Variants in FRMPD4 observed in about 807,000 individuals in gnomAD.
FRMPD4 encodes the protein FERM and PDZ domain-containing protein 4.
Under a neutral mutation model 94.1 loss-of-function variants are expected in FRMPD4, and 22 were observed. The ratio of observed to expected loss-of-function variants is 0.23; its 90% confidence interval spans 0.17 to 0.33. The LOEUF (loss-of-function observed/expected upper bound fraction) is 0.33, where lower values mean the gene tolerates loss of function less well. FRMPD4 is among the 10% of genes least tolerant of loss of function. The pLI is 1.00. For missense variants in FRMPD4, 1,111 were observed against 1,339.9 expected (o/e 0.83, Z 2.67); for synonymous variants, 631 against 548.6 (o/e 1.15, Z -2.10).
intron 3 of FRMPD4, among the ~76,000 whole-genome samples, chrX:12,097,852 T>G (rs1163368466): frequency 2.7e-5 from 3 of 112,691 alleles, no homozygotes; most frequent in Non-Finnish European, 5.6e-5. Flanking sequence ...TGTCCACTTT[T>G]GGGCTATTAT....
At chrX:11,921,022 T>C (rs918989961) in intron 3 of FRMPD4, among the ~76,000 whole-genome samples, 3 of 112,156 alleles carry the variant, frequency 2.7e-5, no homozygotes, top group African/African-American at 9.7e-5. Context: ...AATGGTTTAA[T>C]TGCCCCCAAT....
At chrX:12,585,363 G>T (rs1002237084) in intron 2 of FRMPD4, among the ~76,000 whole-genome samples, 6 of 110,522 alleles carry the variant, frequency 5.4e-5, no homozygotes, top group African/African-American at 2.0e-4. Flanking sequence ...TGGGATTACA[G>T]GCCCCTGCCA....
At chrX:12,306,733 T>C (rs1384929998) in intron 1 of FRMPD4, among the ~76,000 whole-genome samples, 2 of 112,224 alleles carry the variant, frequency 1.8e-5, no homozygotes, top group Admixed American at 9.4e-5. Flanking sequence ...AGAACAGCAG[T>C]TGACCCTTTG....
intron 4 of FRMPD4, among the ~76,000 whole-genome samples, chrX:12,616,043 T>A (rs1420767112): frequency 9.0e-6 from 1 of 110,667 alleles, no homozygotes; most frequent in African/African-American, 3.3e-5. Context: ...ACCATCCTAG[T>A]TTTAGCATGT....
At chrX:12,687,665 G>A (rs2060039320) in intron 7 of FRMPD4, among the ~76,000 whole-genome samples, 1 of 112,253 alleles carries the variant, frequency 8.9e-6, no homozygotes, top group Non-Finnish European at 1.9e-5. Flanking sequence ...AATTAGCAAT[G>A]GGAAAGGCTC....
In FRMPD4 at chrX:12,077,538, G is replaced by A. The variant is rs892016089; in HGVS notation, c.95+199520G>A. The stretch of plus-strand genomic sequence containing the variant: ...GGTATTATGTGTCAGGCCAAGGCAT[G>A]CCATTTCTAATGGAAAAGCATCTCT... On this transcript the variant is annotated intron_variant, in intron 3 of 18. Transcript: ENST00000640291. Among the ~76,000 whole-genome samples, 10 of 111,632 alleles carry A rather than the reference G, an allele frequency of 9.0e-5. No homozygotes were observed. The Admixed American group carries it at 9.5e-4, about 11-fold the overall frequency.
chrX:12,705,667 G>T (rs2041862625), intron 11 of FRMPD4, among the ~76,000 whole-genome samples: 1 of 110,373 alleles, frequency 9.1e-6, no homozygotes, highest in Non-Finnish European at 1.9e-5. Context: ...TGTGGGTCAA[G>T]TTCTTTTTAA....
At chrX:12,321,933 A>G (rs762472585) in intron 1 of FRMPD4, among the ~76,000 whole-genome samples, 1 of 112,118 alleles carries the variant, frequency 8.9e-6, no homozygotes, top group South Asian at 3.8e-4. Flanking sequence ...GCACGTTCAC[A>G]TCAGTTCCCT....
intron 3 of FRMPD4, among the ~76,000 whole-genome samples, chrX:12,069,624 G>A (rs2054949434): frequency 1.8e-5 from 2 of 111,509 alleles, no homozygotes; most frequent in African/African-American, 6.5e-5. Context: ...AAAGGTCAGT[G>A]GGTGGAAGGT....
intron 1 of FRMPD4, among the ~76,000 whole-genome samples, chrX:12,350,624 G>A (rs1387248749): frequency 8.9e-6 from 1 of 112,197 alleles, no homozygotes; most frequent in Non-Finnish European, 1.9e-5. Flanking sequence ...TGAACTGAAT[G>A]TCGAAACAGG....
chrX:12,683,425 G>C (rs1166190437), intron 5 of FRMPD4, 58 bp from the exon 6 acceptor site: 10 of 619,318 alleles, frequency 1.6e-5, no homozygotes, highest in Non-Finnish European at 2.7e-5. Context: ...GAAAACAACT[G>C]TTACAAGGTT....
intron 1 of FRMPD4, among the ~76,000 whole-genome samples, chrX:12,250,068 GTGTT>G (rs1236185600): frequency 8.7e-4 from 71 of 81,676 alleles, no homozygotes; most frequent in East Asian, 3.5e-3. Context: ...GTGTGTTTGT[GTGTT>G]TGTGTGTGTG....
intron 1 of FRMPD4, among the ~76,000 whole-genome samples, chrX:12,413,702 G>T (rs72612885): frequency 8.9e-6 from 1 of 111,909 alleles, no homozygotes; most frequent in Admixed American, 9.5e-5. Flanking sequence ...CAAAGAGAAC[G>T]TGTTATACTG....
At chrX:12,208,684 T>C (rs758595212) in intron 1 of FRMPD4, among the ~76,000 whole-genome samples, 79 of 112,143 alleles carry the variant, frequency 7.0e-4, no homozygotes, top group Non-Finnish European at 1.1e-3. Context: ...AATACCTTAC[T>C]ATACTATAAT....
intron 3 of FRMPD4, among the ~76,000 whole-genome samples, chrX:12,130,145 C>T (rs955132474): frequency 3.0e-5 from 3 of 101,504 alleles, no homozygotes; most frequent in East Asian, 4.3e-4. Flanking sequence ...AAGGTGGAGG[C>T]GTAAGGGGGT....
At chrX:12,589,228 T>C (rs5979674) in intron 2 of FRMPD4, among the ~76,000 whole-genome samples, 6,144 of 111,911 alleles carry the variant, frequency 0.055, 405 homozygotes, top group African/African-American at 0.19. Context: ...AGCTTGATTT[T>C]TTCCTTTAGG....
At chrX:12,447,117 C>T (rs1044534352) in intron 1 of FRMPD4, among the ~76,000 whole-genome samples, 3 of 111,341 alleles carry the variant, frequency 2.7e-5, no homozygotes, top group African/African-American at 9.8e-5. Flanking sequence ...CCTGTGGTTC[C>T]AAATGACGAA....
At chrX:11,841,715 G>A (rs1601796667) in intron 1 of FRMPD4, among the ~76,000 whole-genome samples, 1 of 107,863 alleles carries the variant, frequency 9.3e-6, no homozygotes, top group Admixed American at 1.0e-4. Flanking sequence ...CACTCTGATG[G>A]TAGTTTCTTT....
At chrX:11,875,869 ATTTTTTTT>A (rs869076863) in intron 2 of FRMPD4, among the ~76,000 whole-genome samples, 2 of 57,264 alleles carry the variant, frequency 3.5e-5, no homozygotes, top group African/African-American at 7.0e-5. Context: ...CCACTTGAGG[ATTTTTTTT>A]TTTTTTTTTT....
Sources: allele counts gnomAD v4.1 joint callset (sites outside exome capture counted in the v4.1 genomes callset), GRCh38; gene constraint gnomAD v4.1.1; transcripts MANE v1.5; gene names NCBI Gene and HGNC (gene_info 2026-07-23, HGNC 2026-07-21).